IQCH: variants seen among roughly 807,000 people sequenced by gnomAD.
IQCH encodes the protein IQ motif containing H, also known as IQ domain-containing protein H.
A neutral mutation model predicts 117.0 loss-of-function variants in IQCH; 98 were observed. The observed-to-expected ratio is 0.84, with a 90% confidence interval of 0.71 to 0.99. IQCH has a LOEUF of 0.99. Ranked by LOEUF, IQCH falls within the 50% of genes least tolerant of loss-of-function variation. The pLI is 0.00. For synonymous variants in IQCH, 412 were observed against 448.2 expected (o/e 0.92, Z 1.02); for missense variants, 1,102 against 1,243.8 (o/e 0.89, Z 1.72).
chr15:67,277,447 A>G (rs1025533424), intron 3 of IQCH, among the ~76,000 whole-genome samples: 2 of 149,468 alleles, frequency 1.3e-5, no homozygotes, highest in African/African-American at 2.5e-5. Context: ...CTTCAGTGTG[A>G]GGGTTTATGT....
chr15:67,312,648 T>C (rs1210482935), intron 4 of IQCH, among the ~76,000 whole-genome samples: 2 of 152,188 alleles, frequency 1.3e-5, no homozygotes, highest in Non-Finnish European at 2.9e-5. Context: ...TTACTGTTGC[T>C]TTTCTGTTGC....
Position 67,500,803 on chromosome 15 carries a change from T to A in IQCH, c.*57T>A, listed in dbSNP as rs2141121157. 3 of 851,516 alleles carry A rather than the reference T, an allele frequency of 3.5e-6. No homozygotes were observed. The East Asian group carries it at 7.8e-5, about 22-fold the overall frequency. 52.7% of individuals were successfully genotyped at this position (851,516 alleles called of 1,614,324 possible). A position where few individuals can be genotyped will look rare whatever the true frequency, so the allele number is the denominator to read the frequency against. ...CCAGTCTGGAATAAAAAGGGCAATT[T>A]TTTTTTCTGTTAGAAATAAAAGCCA... On this transcript the variant is annotated 3_prime_UTR_variant, in exon 21 of 21. Coordinates refer to ENST00000335894, the MANE Select transcript of IQCH (RefSeq NM_001031715.3). The surrounding 1 kb of genome is among the most constrained non-coding windows in gnomAD (Gnocchi z 4.4).
intron 4 of IQCH, among the ~76,000 whole-genome samples, chr15:67,311,319 A>T (rs1967584024): frequency 6.6e-6 from 1 of 152,026 alleles, no homozygotes; most frequent in South Asian, 2.1e-4. Context: ...CTAAATTCTG[A>T]GATTATAACT....
rs1023873994 is a variant in IQCH, at chr15:67,458,057, C to T, written c.2506-7070C>T. Among the ~76,000 whole-genome samples the T allele has an allele frequency of 6.6e-6, 1 of 152,194 alleles. No homozygotes were observed. Among genetic ancestry groups the T allele is most frequent in the Non-Finnish European group, 1.5e-5 (1 of 68,034 alleles). ...GTGAGAGCAGAGAAAAAGCTTCTTC[C>T]CTCCCAGGAACTGATTCTGTTTTAT... On this transcript the variant is annotated intron_variant, in intron 16 of 20. Transcript: ENST00000335894. The surrounding 1 kb of genome is among the most constrained non-coding windows in gnomAD (Gnocchi z 4.1).
At chr15:67,302,293 T>C (rs1286246235) in intron 4 of IQCH, among the ~76,000 whole-genome samples, 1 of 152,188 alleles carries the variant, frequency 6.6e-6, no homozygotes. Context: ...CTTGGTAGAA[T>C]AGAAATTATT....
chr15:67,279,933 G>A (rs902623319), intron 4 of IQCH, among the ~76,000 whole-genome samples: 13 of 151,898 alleles, frequency 8.6e-5, no homozygotes, highest in South Asian at 2.1e-4. Flanking sequence ...GGAGAATGGC[G>A]TGAACCCGGG....
chr15:67,457,001 AG>A lies in IQCH; in HGVS notation c.2506-8122del, dbSNP rs1459750284. Among the ~76,000 whole-genome samples the A allele has an allele frequency of 6.6e-6, 1 of 152,166 alleles. No homozygotes were observed. The highest frequency in any genetic ancestry group is 6.5e-5 in the Admixed American group (1 of 15,276). ...AGATGAGTAGGATTAACAGAGACAG[AG>A]GGGAAGGCCTCTAAGCTGAAAACCA... On this transcript the variant is annotated intron_variant, in intron 16 of 20. Transcript: ENST00000335894. This position sits in a 1 kb window ranked among gnomAD's most constrained non-coding sequence, Gnocchi z 5.7.
chr15:67,486,038 C>CCT (rs1555513837), intron 18 of IQCH, among the ~76,000 whole-genome samples: 1 of 106,306 alleles, frequency 9.4e-6, no homozygotes, highest in Non-Finnish European at 1.8e-5. Context: ...GCTAAGTTTT[C>CCT]TTTTTTTTTT....
chr15:67,436,708 G>A lies in IQCH; in HGVS notation c.2505+15131G>A, dbSNP rs1451481290. The stretch of plus-strand genomic sequence containing the variant: ...TGGAAAGAGACTCGGGGCTGTTGTG[G>A]AGAGGCATGGTGGGAGTGAGACCGG... On this transcript the variant is annotated intron_variant, in intron 16 of 20. Transcript: ENST00000335894. This position sits in a 1 kb window ranked among gnomAD's most constrained non-coding sequence, Gnocchi z 5.1. 6.6e-6 allele frequency among the ~76,000 whole-genome samples: 1 copy of A among 152,176 alleles called. No individual in the cohort carries two copies. Among genetic ancestry groups the A allele is most frequent in the Non-Finnish European group, 1.5e-5 (1 of 68,030 alleles).
At chr15:67,314,822 G>A (rs1177452585) in intron 4 of IQCH, among the ~76,000 whole-genome samples, 1 of 152,194 alleles carries the variant, frequency 6.6e-6, no homozygotes, top group African/African-American at 2.4e-5. Flanking sequence ...ATTTTTAAAT[G>A]TGTGATCAGA....
chr15:67,483,097 T>C (rs535790633), intron 18 of IQCH, among the ~76,000 whole-genome samples: 1 of 152,312 alleles, frequency 6.6e-6, no homozygotes, highest in African/African-American at 2.4e-5. Context: ...CTGCCAAACC[T>C]AGACATTCTG....
In IQCH at chr15:67,465,514, C is replaced by T. The variant is rs2082908829; in HGVS notation, c.2676+217C>T. 1.3e-5 allele frequency among the ~76,000 whole-genome samples: 2 copies of T among 152,050 alleles called. No homozygotes were observed. The highest frequency in any genetic ancestry group is 2.1e-4 in the South Asian group (1 of 4,802). ...AATGAACCTGCCATCTGTGGAAATG[C>T]GAAAGAGCATGGGGCTCTCCTCCCC... On this transcript the variant is annotated intron_variant, in intron 17 of 20. Transcript: ENST00000335894. This position sits in a 1 kb window ranked among gnomAD's most constrained non-coding sequence, Gnocchi z 5.9.
rs1242563939 is a variant in IQCH at position 67,501,119 on chromosome 15, CCTATTT to C, written c.*377_*382del. 2.0e-5 allele frequency: 3 copies of C among 153,652 alleles called. No homozygotes were observed. The highest frequency in any genetic ancestry group is 7.2e-5 in the African/African-American group (3 of 41,520). The allele number at this position is 153,652 out of a possible 1,614,324, so 9.5% of individuals were successfully genotyped here. A position where few individuals can be genotyped will look rare whatever the true frequency, so the allele number is the denominator to read the frequency against. ...TTTTTTATGTTTTATAAAGTTTTCT[CCTATTT>C]CTAATAGTCCATCGATCTTCTGCAT... On this transcript the variant is annotated 3_prime_UTR_variant, in exon 21 of 21. Transcript: ENST00000335894. The surrounding 1 kb of genome is among the most constrained non-coding windows in gnomAD (Gnocchi z 5.2).
chr15:67,325,341 T>C (rs966242880), intron 4 of IQCH, among the ~76,000 whole-genome samples: 2 of 152,192 alleles, frequency 1.3e-5, no homozygotes, highest in African/African-American at 2.4e-5. Context: ...CCTTAAAATA[T>C]GTATAACACA....
intron 4 of IQCH, among the ~76,000 whole-genome samples, chr15:67,322,339 C>T (rs577729766): frequency 6.6e-6 from 1 of 152,234 alleles, no homozygotes; most frequent in Admixed American, 6.5e-5. Context: ...CATGGTATAT[C>T]AGTCTTTTCT....
chr15:67,308,243 G>T (rs193038604), intron 4 of IQCH, among the ~76,000 whole-genome samples: 35 of 152,168 alleles, frequency 2.3e-4, no homozygotes, highest in African/African-American at 8.4e-4. Flanking sequence ...AACAGATGTG[G>T]GTATTCACTC....
intron 1 of IQCH, chr15:67,255,260 T>G: frequency 2.4e-6 from 1 of 415,280 alleles, no homozygotes. Context: ...AATGTTATAT[T>G]CTGAAAAATT....
intron 8 of IQCH, among the ~76,000 whole-genome samples, chr15:67,371,113 A>G (rs1970516014): frequency 6.6e-6 from 1 of 152,144 alleles, no homozygotes; most frequent in South Asian, 2.1e-4. Context: ...AGAAGAAACA[A>G]TTATTACAGT....
Position 67,254,903 on chromosome 15 carries a change from C to T in IQCH, c.7C>T (p.Gln3Ter). The T allele has an allele frequency of 6.2e-7, 1 of 1,613,824 alleles. No individual in the cohort carries two copies. ...GCCGTTCCCTGACCTAGCCATGGCA[C>T]AGAACACTGAAAACCACGACCCTGT... MA[Q>*]NTENHDPVGS... The change falls in exon 1 of 21, where the codon CAG (glutamine) becomes TAG (stop). Residue 3 changes from glutamine (Q) to a stop codon, truncating the protein, a stop_gained. Coordinates refer to ENST00000335894, the MANE Select transcript of IQCH (RefSeq NM_001031715.3). LOFTEE classifies it high-confidence loss of function.
Sources: gnomAD v4.1 joint callset for allele counts (sites outside exome capture counted in the v4.1 genomes callset) on GRCh38, gnomAD v4.1.1 for gene constraint, Gnocchi (gnomAD v3.1) non-coding constraint, MANE v1.5 for transcripts, NCBI Gene and HGNC (gene_info 2026-07-23, HGNC 2026-07-21) for gene names.